Variants in ERC1 observed in about 807,000 individuals in gnomAD.
ERC1 encodes the protein RAB6 interacting protein 2.
ERC1 carries 56 observed loss-of-function variants against 132.0 expected under a neutral mutation model. The ratio of observed to expected loss-of-function variants is 0.42; its 90% CI spans 0.34 to 0.53. The LOEUF (loss-of-function observed/expected upper bound fraction) is 0.53. Ranked by LOEUF, ERC1 falls within the 20% of genes least tolerant of loss-of-function variation. The pLI is 0.03. For missense variants in ERC1, 1,202 were observed against 1,349.9 expected (o/e 0.89, Z 1.72); for synonymous variants, 478 against 476.1 (o/e 1.00, Z -0.05).
chr12:1,096,703 C>G (rs1393062168), intron 3 of ERC1, among the ~76,000 whole-genome samples: 1 of 152,132 alleles, frequency 6.6e-6, no homozygotes, highest in Non-Finnish European at 1.5e-5. Context: ...ATTTTAAAAA[C>G]TCTTTTTTGA....
chr12:1,250,573 A>AT (rs1253697761), intron 13 of ERC1, among the ~76,000 whole-genome samples: 1 of 152,210 alleles, frequency 6.6e-6, no homozygotes. Flanking sequence ...TTTAGTTATA[A>AT]TTTTTTTGGA....
At chr12:1,424,835 AT>A (rs2092564024) in intron 17 of ERC1, among the ~76,000 whole-genome samples, 1 of 121,196 alleles carries the variant, frequency 8.3e-6, no homozygotes, top group African/African-American at 3.1e-5. Context: ...AGATAGATAG[AT>A]AGATAGATGA....
intron 7 of ERC1, among the ~76,000 whole-genome samples, chr12:1,131,467 G>A (rs73041010): frequency 6.6e-6 from 1 of 151,834 alleles, no homozygotes; most frequent in African/African-American, 2.4e-5. Flanking sequence ...GAGAGAATTG[G>A]TTTTTTTTAA....
chr12:1,418,609 TTCTTTCTTTCTTTCTTTCTTTCTTTC>T (rs2092257563), intron 17 of ERC1, among the ~76,000 whole-genome samples: 1 of 99,044 alleles, frequency 1.0e-5, no homozygotes, highest in African/African-American at 5.9e-5. Context: ...CTTTCTTTCT[TTCTTTCTTTCTTTCTTTCTTTCTTTC>T]TTTCTTTCTC....
rs556145093 is a variant in ERC1, at chr12:1,470,859, A to G, written c.3214-19234A>G. 4.5e-3 allele frequency among the ~76,000 whole-genome samples: 681 copies of G among 152,352 alleles called. 9 individuals carry two copies. Among genetic ancestry groups the G allele is most frequent in the African/African-American group, 0.016 (646 of 41,580 alleles). On this transcript the variant is annotated intron_variant, in intron 18 of 18. Coordinates refer to ENST00000360905, the MANE Select transcript of ERC1 (RefSeq NM_178040.4). ...TTGCTTCAGGACTGTACTTCGTCCA[A>G]GCATTCCACACAGAAGGGTAACTGG... is the stretch of plus-strand genomic sequence containing the variant.
chr12:1,121,941 A>C (rs56295314), intron 7 of ERC1, among the ~76,000 whole-genome samples: 6 of 1,532 alleles, frequency 3.9e-3, no homozygotes, highest in African/African-American at 5.4e-3. Context: ...GTCTCTATCT[A>C]TCTCTATCTC....
At chr12:1,149,411 G>A (rs1249272298) in intron 8 of ERC1, among the ~76,000 whole-genome samples, 1 of 152,062 alleles carries the variant, frequency 6.6e-6, no homozygotes, top group Non-Finnish European at 1.5e-5. Context: ...TGGTTGATTT[G>A]TTTTTGAGAC....
At chr12:998,033 CCA>C (rs781638714) in intron 1 of ERC1, among the ~76,000 whole-genome samples, 1 of 152,180 alleles carries the variant, frequency 6.6e-6, no homozygotes, top group East Asian at 1.9e-4. Context: ...ATAAAAAACT[CCA>C]GATTTATACT....
At chr12:1,000,750 G>C (rs914965381) in intron 1 of ERC1, among the ~76,000 whole-genome samples, 1 of 152,036 alleles carries the variant, frequency 6.6e-6, no homozygotes, top group Non-Finnish European at 1.5e-5. Flanking sequence ...GACAGAGCAA[G>C]ATTCTGTCTT....
intron 8 of ERC1, among the ~76,000 whole-genome samples, chr12:1,165,191 G>A (rs1040370703): frequency 2.6e-5 from 4 of 152,190 alleles, no homozygotes; most frequent in Admixed American, 2.6e-4. Flanking sequence ...TGAGAAGCAC[G>A]ACTGTCTAGA....
chr12:1,244,231 C>G lies in ERC1; in HGVS notation c.2487+7327C>G, dbSNP rs574916633. ...TTAATAATTGTCACACAATCGTAAT[C>G]GAATGACTGGTTATATTTTTGGTGT... On this transcript the variant is annotated intron_variant, in intron 13 of 18. Coordinates refer to ENST00000360905, the MANE Select transcript of ERC1 (RefSeq NM_178040.4). 3.3e-5 allele frequency among the ~76,000 whole-genome samples: 5 copies of G among 152,172 alleles called. No individual in the cohort carries two copies. In the East Asian group the frequency reaches 9.7e-4, roughly 29 times the overall value.
rs1481751248 is a variant in ERC1, at chr12:1,424,854, A to C, written c.3024+16607A>C. Among the ~76,000 whole-genome samples, 160 of 125,230 alleles carry C rather than the reference A, an allele frequency of 1.3e-3. 1 individual carries two copies. Among genetic ancestry groups the C allele is most frequent in the African/African-American group, 5.4e-3 (148 of 27,288 alleles). 82.2% of individuals were successfully genotyped at this position (125,230 alleles called of 152,430 possible). ...AGATAGATAGATAGATGATAGATAG[A>C]TAGATAGATCGATAGATAGATAGAT... is the stretch of plus-strand genomic sequence containing the variant. On this transcript the variant is annotated intron_variant, in intron 17 of 18. Coordinates refer to ENST00000360905, the MANE Select transcript of ERC1 (RefSeq NM_178040.4).
intron 16 of ERC1, among the ~76,000 whole-genome samples, chr12:1,395,407 G>GTC (rs914687449): frequency 6.3e-5 from 9 of 141,796 alleles, no homozygotes; most frequent in African/African-American, 2.3e-4. Flanking sequence ...AAATTTTGTA[G>GTC]TTTTTTTTTT....
intron 3 of ERC1, among the ~76,000 whole-genome samples, chr12:1,093,977 A>ATTTTTTTC (rs67293288): frequency 1.4e-4 from 18 of 129,546 alleles, no homozygotes; most frequent in African/African-American, 5.1e-4. Context: ...ATATATATAT[A>ATTTTTTTC]TATATATAGA....
Position 1,327,700 on chromosome 12 carries a change from G to A in ERC1, c.2780+37688G>A, listed in dbSNP as rs931391827. On this transcript the variant is annotated intron_variant, in intron 15 of 18. Coordinates refer to ENST00000360905, the MANE Select transcript of ERC1 (RefSeq NM_178040.4). ...GCCGCTATTAATATATGCTCATGAC[G>A]TCCAAGTACAAATAAATACACAAGT... Among the ~76,000 whole-genome samples, 7 of 151,978 alleles carry A rather than the reference G, an allele frequency of 4.6e-5. No individual in the cohort carries two copies. In the East Asian group the frequency reaches 7.7e-4, roughly 17 times the overall value.
intron 12 of ERC1, among the ~76,000 whole-genome samples, chr12:1,234,880 C>T (rs938377413): frequency 2.0e-5 from 3 of 152,084 alleles, no homozygotes; most frequent in South Asian, 2.1e-4. Context: ...TTATACCAAA[C>T]CCCCCAAAAT....
At chr12:1,207,270 T>A (rs1247380608) in intron 12 of ERC1, among the ~76,000 whole-genome samples, 1 of 152,132 alleles carries the variant, frequency 6.6e-6, no homozygotes, top group Non-Finnish European at 1.5e-5. Context: ...CAAAAATAGA[T>A]GTAATTGTAT....
At chr12:1,251,273 T>A (rs1034808774) in intron 13 of ERC1, among the ~76,000 whole-genome samples, 25 of 152,158 alleles carry the variant, frequency 1.6e-4, no homozygotes, top group African/African-American at 6.0e-4. Context: ...ACATGCTGGA[T>A]ACATCTAATA....
At chr12:1,399,923 T>C (rs2090876869) in intron 16 of ERC1, among the ~76,000 whole-genome samples, 1 of 152,210 alleles carries the variant, frequency 6.6e-6, no homozygotes, top group Non-Finnish European at 1.5e-5. Context: ...AATTGCTAAG[T>C]CATATGGTAA....
Sources: gnomAD v4.1 joint callset for allele counts (sites outside exome capture counted in the v4.1 genomes callset) on GRCh38, gnomAD v4.1.1 for gene constraint, MANE v1.5 for transcripts, NCBI Gene and HGNC (gene_info 2026-07-23, HGNC 2026-07-21) for gene names.